NHSL2: variants seen among roughly 807,000 people sequenced by gnomAD.
The protein encoded by NHSL2 is NHS-like protein 2.
In NHSL2, 27 loss-of-function variants were observed where a neutral mutation model predicts 53.4. That is an observed-to-expected ratio of 0.51 (90% CI 0.37 to 0.70). The LOEUF (loss-of-function observed/expected upper bound fraction) is 0.70, where lower values mean the gene tolerates loss of function less well. Ranked by LOEUF, NHSL2 falls within the 30% of genes least tolerant of loss-of-function variation. The pLI is 0.00. For synonymous variants in NHSL2, 408 were observed against 404.1 expected (o/e 1.01, Z -0.12); for missense variants, 892 against 980.1 (o/e 0.91, Z 1.20).
intron 1 of NHSL2, among the ~76,000 whole-genome samples, chrX:71,917,216 A>G (rs2041632546): frequency 9.2e-6 from 1 of 108,796 alleles, no homozygotes; most frequent in African/African-American, 3.4e-5. Flanking sequence ...GGGAGGTTTG[A>G]GCAATTAGGC....
chrX:72,088,173 G>T (rs760883501), intron 1 of NHSL2, among the ~76,000 whole-genome samples: 179 of 112,192 alleles, frequency 1.6e-3, no homozygotes, highest in African/African-American at 5.6e-3. Flanking sequence ...AGAGGTTGTG[G>T]TGAGCTGAGA....
At chrX:72,040,429 T>A (rs180865141) in intron 1 of NHSL2, among the ~76,000 whole-genome samples, 25 of 112,520 alleles carry the variant, frequency 2.2e-4, no homozygotes, top group African/African-American at 7.8e-4. Flanking sequence ...CACTCTGTAA[T>A]GAAGTATCGT....
intron 1 of NHSL2, among the ~76,000 whole-genome samples, chrX:71,918,796 A>G (rs1269726589): frequency 8.9e-6 from 1 of 112,142 alleles, no homozygotes; most frequent in Non-Finnish European, 1.9e-5. Context: ...GGTTATTTGC[A>G]TTAGCCAGAA....
At chrX:71,998,664 C>G (rs2042059968) in intron 1 of NHSL2, among the ~76,000 whole-genome samples, 1 of 111,745 alleles carries the variant, frequency 8.9e-6, no homozygotes, top group African/African-American at 3.3e-5. Context: ...TCTGGCAAAA[C>G]CTATTGGTTG....
rs187564001 is a variant in NHSL2, at chrX:72,138,418, T to C, written c.893-23T>C. On this transcript the variant is annotated intron_variant, in intron 5 of 7. Transcript: ENST00000633930. Reference sequence around the variant, plus strand: ...GGGAGATCCCTTGCTGTAGCACTCATGTCCTGTGTTTATTTCCTCCAGGTC... The same window carrying C: ...GGGAGATCCCTTGCTGTAGCACTCACGTCCTGTGTTTATTTCCTCCAGGTC... The C allele has an allele frequency of 1.2e-5, 13 of 1,108,040 alleles. No homozygotes were observed. The Admixed American group carries it at 2.1e-4, about 18-fold the overall frequency. 91.3% of individuals were successfully genotyped at this position (1,108,040 alleles called of 1,213,427 possible).
intron 1 of NHSL2, among the ~76,000 whole-genome samples, chrX:72,109,875 C>T (rs1463269937): frequency 8.9e-6 from 1 of 111,884 alleles, no homozygotes; most frequent in Non-Finnish European, 1.9e-5. Context: ...CTGGTGGCCT[C>T]TCAGCTGGGG....
At chrX:72,003,350 C>T (rs1054090325) in intron 1 of NHSL2, among the ~76,000 whole-genome samples, 8 of 111,608 alleles carry the variant, frequency 7.2e-5, no homozygotes, top group Non-Finnish European at 3.8e-5. Flanking sequence ...TCCCTTCCAG[C>T]CACCACCAGT....
Position 72,152,979 on chromosome X carries a change from A to G in NHSL2, c.*9405A>G, listed in dbSNP as rs1170386332. Reference sequence around the variant, plus strand: ...ATGCACTTAGAAAAATAAGGGAGACAAGAATTTACAGACCATACCCTAAAC... The same window carrying G: ...ATGCACTTAGAAAAATAAGGGAGACGAGAATTTACAGACCATACCCTAAAC... On this transcript the variant is annotated 3_prime_UTR_variant, in exon 8 of 8. Transcript: ENST00000633930. 1 of 112,255 alleles carries G rather than the reference A, an allele frequency of 8.9e-6. No homozygotes were observed. The highest frequency in any genetic ancestry group is 1.9e-5 in the Non-Finnish European group (1 of 53,296). The allele number at this position is 112,255 out of a possible 1,213,427, so 9.3% of individuals were successfully genotyped here. A position where few individuals can be genotyped will look rare whatever the true frequency, so the allele number is the denominator to read the frequency against.
chrX:71,938,879 G>A (rs751156131), intron 1 of NHSL2, among the ~76,000 whole-genome samples: 14 of 112,861 alleles, frequency 1.2e-4, no homozygotes, highest in Admixed American at 6.5e-4. Context: ...GCTTGGAGAA[G>A]GCAAGTGAAC....
chrX:72,143,811 G>T lies in NHSL2; in HGVS notation c.*237G>T. On this transcript the variant is annotated 3_prime_UTR_variant, in exon 8 of 8. Transcript: ENST00000633930. ...TAAGCTTGTCATGACTGACTACCGAGTTTCTTCTTATTTTCCCCCAGTGGT... is the reference window on the plus strand; with the variant it reads ...TAAGCTTGTCATGACTGACTACCGATTTTCTTCTTATTTTCCCCCAGTGGT... The T allele has an allele frequency of 3.6e-6, 1 of 277,050 alleles. No homozygotes were observed. Among genetic ancestry groups the T allele is most frequent in the Non-Finnish European group, 6.3e-6 (1 of 157,815 alleles). 22.8% of individuals were successfully genotyped at this position (277,050 alleles called of 1,213,427 possible). A position where few individuals can be genotyped will look rare whatever the true frequency, so the allele number is the denominator to read the frequency against.
rs1380496340 is a variant in NHSL2, at chrX:72,152,676, T to A, written c.*9102T>A. On this transcript the variant is annotated 3_prime_UTR_variant, in exon 8 of 8. Transcript: ENST00000633930. ...CATTTGAGCCCAGGGATCTACCCAC[T>A]TACTGAAATCTAAATTTTAAAAAAT... 2 of 112,497 alleles carry A rather than the reference T, an allele frequency of 1.8e-5. No homozygotes were observed. Among genetic ancestry groups the A allele is most frequent in the Non-Finnish European group, 3.8e-5 (2 of 53,322 alleles). The allele number at this position is 112,497 out of a possible 1,213,427, so 9.3% of individuals were successfully genotyped here. A position where few individuals can be genotyped will look rare whatever the true frequency, so the allele number is the denominator to read the frequency against.
intron 1 of NHSL2, among the ~76,000 whole-genome samples, chrX:72,115,437 G>A (rs1432173800): frequency 2.3e-5 from 2 of 88,561 alleles, no homozygotes; most frequent in Non-Finnish European, 4.4e-5. Flanking sequence ...GGGGCGGGGG[G>A]GGGGTGCGGG....
At position 72,040,447 on chromosome X, in the gene NHSL2, A is replaced by AT. The variant is rs780805679; in HGVS notation, c.281-91625dup. Among the ~76,000 whole-genome samples the AT allele has an allele frequency of 2.6e-3, 292 of 111,369 alleles. 2 individuals carry two copies. The highest frequency in any genetic ancestry group is 9.2e-3 in the African/African-American group (280 of 30,557). On this transcript the variant is annotated intron_variant, in intron 1 of 7. Coordinates refer to ENST00000633930, the MANE Select transcript of NHSL2 (RefSeq NM_001013627.3). The stretch of plus-strand genomic sequence containing the variant: ...TCTGTAATGAAGTATCGTGATTTCC[A>AT]TTTTTTTCAAGTTTGGACATTGAAC...
rs1221392548 is a variant in NHSL2, at chrX:72,058,581, G to A, written c.281-73498G>A. Among the ~76,000 whole-genome samples, 4 of 111,845 alleles carry A rather than the reference G, an allele frequency of 3.6e-5. No individual in the cohort carries two copies. In the Admixed American group the frequency reaches 3.8e-4, roughly 11 times the overall value. On this transcript the variant is annotated intron_variant, in intron 1 of 7. Coordinates refer to ENST00000633930, the MANE Select transcript of NHSL2 (RefSeq NM_001013627.3). ...GATGGTCTCGATCTATTGACCTCAT[G>A]ATCCACCCATCTCGGCATCCCAAAG...
chrX:72,116,319 TC>T (rs1474711502), intron 1 of NHSL2, among the ~76,000 whole-genome samples: 1 of 112,050 alleles, frequency 8.9e-6, no homozygotes, highest in Non-Finnish European at 1.9e-5. Flanking sequence ...TCTAACTGGA[TC>T]ATAAAGTTTC....
At chrX:71,926,257 C>T (rs1384781624) in intron 1 of NHSL2, among the ~76,000 whole-genome samples, 1 of 111,902 alleles carries the variant, frequency 8.9e-6, no homozygotes, top group Admixed American at 9.4e-5. Context: ...TTAAAACTGA[C>T]CTGCCCACAG....
intron 1 of NHSL2, among the ~76,000 whole-genome samples, chrX:72,073,489 A>T (rs2041717253): frequency 8.9e-6 from 1 of 112,298 alleles, no homozygotes; most frequent in Admixed American, 9.4e-5. Flanking sequence ...ACTATACAGC[A>T]TACGCATAGC....
At chrX:72,058,012 A>G (rs920495866) in intron 1 of NHSL2, among the ~76,000 whole-genome samples, 3 of 112,612 alleles carry the variant, frequency 2.7e-5, no homozygotes, top group African/African-American at 6.5e-5. Flanking sequence ...GGAAGAACAC[A>G]GAAAGCACTT....
At chrX:72,105,695 G>C (rs1463252758) in intron 1 of NHSL2, among the ~76,000 whole-genome samples, 2 of 111,638 alleles carry the variant, frequency 1.8e-5, no homozygotes, top group Non-Finnish European at 3.8e-5. Context: ...TGAGGTTACA[G>C]GTCTGCTCAC....
Sources: allele counts gnomAD v4.1 joint callset (sites outside exome capture counted in the v4.1 genomes callset), GRCh38; gene constraint gnomAD v4.1.1; transcripts MANE v1.5; gene names NCBI Gene and HGNC (gene_info 2026-07-23, HGNC 2026-07-21).